Variants in ENPEP observed in about 807,000 individuals in gnomAD.
ENPEP encodes the protein AP-A.
A neutral mutation model predicts 114.5 loss-of-function variants in ENPEP; 103 were observed. The ratio of observed to expected loss-of-function variants is 0.90; its 90% CI spans 0.77 to 1.06. The LOEUF (loss-of-function observed/expected upper bound fraction) is 1.06. Among genes scored for constraint, ENPEP ranks in the 50% least tolerant of loss-of-function variants. The pLI is 0.00. For missense variants in ENPEP, 1,196 were observed against 1,161.3 expected (o/e 1.03, Z -0.43); for synonymous variants, 420 against 422.0 (o/e 1.00, Z 0.06).
At chr4:110,507,533 G>A (rs1725417301) in intron 4 of ENPEP, among the ~76,000 whole-genome samples, 1 of 152,194 alleles carries the variant, frequency 6.6e-6, no homozygotes, top group Non-Finnish European at 1.5e-5. Context: ...TGCACACAAG[G>A]GGAATGCAAA....
intron 1 of ENPEP, among the ~76,000 whole-genome samples, chr4:110,479,931 T>TA (rs1273843199): frequency 6.6e-6 from 1 of 151,900 alleles, no homozygotes; most frequent in African/African-American, 2.4e-5. Context: ...TTTATAAGTC[T>TA]AAAAAAAGCA....
chr4:110,509,509 C>G, intron 4 of ENPEP, 144 bp from the exon 5 acceptor site: 1 of 1,046,322 alleles, frequency 9.6e-7, no homozygotes. Context: ...CTGAAATGTT[C>G]GCACACATGA....
chr4:110,522,908 A>T (rs1036288447), intron 10 of ENPEP, among the ~76,000 whole-genome samples: 2 of 152,114 alleles, frequency 1.3e-5, no homozygotes, highest in African/African-American at 4.8e-5. Flanking sequence ...GGGTTGGAGG[A>T]GAAAGAGAAA....
chr4:110,525,613 A>G (rs1379482327), intron 10 of ENPEP, among the ~76,000 whole-genome samples: 1 of 152,234 alleles, frequency 6.6e-6, no homozygotes, highest in South Asian at 2.1e-4. Flanking sequence ...TGTAAGATCA[A>G]TTATCTTGTA....
chr4:110,522,488 G>A (rs926023422), intron 10 of ENPEP, among the ~76,000 whole-genome samples: 8 of 152,148 alleles, frequency 5.3e-5, no homozygotes, highest in African/African-American at 1.7e-4. Context: ...GCCAATAGGC[G>A]TTCTTTAAAA....
rs1479634508 is a variant in ENPEP at position 110,506,744 on chromosome 4, T to C, written c.1026T>C (p.Ser342=). ...AAGAATACTTTGCTATGAATTATTCTCTTCCTAAATTAGGTGAGGATCATT... is the reference window on the plus strand; with the variant it reads ...AAGAATACTTTGCTATGAATTATTCCCTTCCTAAATTAGGTGAGGATCATT... ...YFEEYFAMNY[S]LPKLDKIAIP... The change falls in exon 4 of 20, where the codon TCT becomes TCC. Residue 342 remains serine, a synonymous_variant. Transcript: ENST00000265162. 2 of 1,578,678 alleles carry C rather than the reference T, an allele frequency of 1.3e-6. No individual in the cohort carries two copies.
In ENPEP at chr4:110,545,230, A is replaced by C. The variant is rs550982006; in HGVS notation, c.2000+2160A>C. 3.3e-5 allele frequency among the ~76,000 whole-genome samples: 5 copies of C among 152,216 alleles called. No homozygotes were observed. The South Asian group carries it at 1.0e-3, about 32-fold the overall frequency. On this transcript the variant is annotated intron_variant, in intron 13 of 19. Transcript: ENST00000265162. ...GTAACCATTATATTTAATAATCAGA[A>C]CTAAATGATACATCTGAAAATAAAT...
chr4:110,491,670 C>CT (rs902284421), intron 3 of ENPEP, among the ~76,000 whole-genome samples: 5 of 150,032 alleles, frequency 3.3e-5, no homozygotes, highest in Non-Finnish European at 5.9e-5. Context: ...TATAAATAAG[C>CT]TTTTTTTAAA....
At position 110,519,976 on chromosome 4, in the gene ENPEP, C is replaced by T. The variant is rs756881336; in HGVS notation, c.1510-32C>T. 5 of 1,592,024 alleles carry T rather than the reference C, an allele frequency of 3.1e-6. No homozygotes were observed. In the Admixed American group the frequency reaches 6.7e-5, roughly 21 times the overall value. On this transcript the variant is annotated intron_variant, in intron 8 of 19. Transcript: ENST00000265162. The stretch of plus-strand genomic sequence containing the variant: ...AAAGTATGAGAAAAGCAAACATTGA[C>T]TTCTAACATGCTGATTATTTTTTAC...
At chr4:110,515,872 G>A (rs1158348340) in intron 8 of ENPEP, 2 of 454,446 alleles carry the variant, frequency 4.4e-6, no homozygotes, top group Admixed American at 4.7e-5. Flanking sequence ...ACTTCCCACT[G>A]TGTCCTCATA....
At chr4:110,490,431 G>T (rs1051365739) in intron 2 of ENPEP, among the ~76,000 whole-genome samples, 10 of 152,188 alleles carry the variant, frequency 6.6e-5, no homozygotes, top group African/African-American at 2.4e-4. Flanking sequence ...AAGTATTCGT[G>T]GTTGAAGTGT....
At chr4:110,488,407 T>G (rs1724580892) in intron 1 of ENPEP, 134 bp from the exon 2 acceptor site, 1 of 1,211,410 alleles carries the variant, frequency 8.3e-7, no homozygotes, top group Non-Finnish European at 1.1e-6. Context: ...GATAGTCTTC[T>G]AGATGGAACC....
intron 11 of ENPEP, among the ~76,000 whole-genome samples, chr4:110,542,044 G>C (rs143755124): frequency 2.0e-5 from 3 of 152,190 alleles, no homozygotes; most frequent in African/African-American, 4.8e-5. Flanking sequence ...ATGCTAATTT[G>C]ATAAATCCAT....
chr4:110,519,071 G>T, intron 8 of ENPEP: 2 of 455,504 alleles, frequency 4.4e-6, no homozygotes. Flanking sequence ...CCCTTCCTTT[G>T]CCTGCCCTCT....
At position 110,509,672 on chromosome 4, in the gene ENPEP, T is replaced by C; in HGVS notation, c.1059T>C (p.Asp353=). The change falls in exon 5 of 20, where the codon GAT becomes GAC. Residue 353 remains aspartate, a synonymous_variant. Transcript: ENST00000265162. ...CTATAGATAAAATCGCTATTCCAGATTTTGGCACTGGTGCCATGGAGAACT... is the reference window on the plus strand; with the variant it reads ...CTATAGATAAAATCGCTATTCCAGACTTTGGCACTGGTGCCATGGAGAACT... ...LPKLDKIAIP[D]FGTGAMENWG... 1 of 1,612,790 alleles carries C rather than the reference T, an allele frequency of 6.2e-7. No homozygotes were observed.
intron 3 of ENPEP, chr4:110,499,886 T>A (rs965009917): frequency 3.9e-5 from 6 of 152,182 alleles, no homozygotes; most frequent in Non-Finnish European, 1.5e-5. Flanking sequence ...AATTCTGGAT[T>A]CATAGAATTG....
rs1375611130 is a variant in ENPEP, at chr4:110,543,048, G to A, written c.1978G>A (p.Asp660Asn). The A allele has an allele frequency of 4.3e-6, 7 of 1,612,952 alleles. No homozygotes were observed. In the Admixed American group the frequency reaches 1.2e-4, roughly 27 times the overall value. The change falls in exon 13 of 20, where the codon GAT (aspartate) becomes AAT (asparagine). Residue 660 changes from aspartate to asparagine, a missense_variant. By Grantham distance (23) the Asp-to-Asn change is conservative (BLOSUM62 1). Transcript: ENST00000265162. The part of the protein sequence containing the change: ...FSSADRASLI[D>N]DAFALARAQL... ...TTCAGCAGATCGTGCAAGTCTTATT[G>A]ATGATGCTTTTGCCTTGGCAAGGTG...
At chr4:110,491,254 AAAC>A in intron 3 of ENPEP, 90 bp downstream of exon 3, 1 of 1,062,556 alleles carries the variant, frequency 9.4e-7, no homozygotes, top group Non-Finnish European at 1.3e-6. Flanking sequence ...TTTTTTTTTC[AAAC>A]AACATGCCTG....
At chr4:110,492,777 A>G (rs916259415) in intron 3 of ENPEP, among the ~76,000 whole-genome samples, 3 of 152,196 alleles carry the variant, frequency 2.0e-5, no homozygotes, top group Non-Finnish European at 4.4e-5. Context: ...TATAGAGGTG[A>G]GAACATTAGT....
Sources: allele counts gnomAD v4.1 joint callset (sites outside exome capture counted in the v4.1 genomes callset), GRCh38; gene constraint gnomAD v4.1.1; transcripts MANE v1.5; gene names NCBI Gene and HGNC (gene_info 2026-07-23, HGNC 2026-07-21).